The following DMD variants were observed in gnomAD, a reference collection of about 807,000 sequenced individuals.
DMD encodes the protein mutant dystrophin.
A neutral mutation model predicts 330.1 loss-of-function variants in DMD; 63 were observed. That is an observed-to-expected ratio of 0.19 (90% CI 0.16 to 0.24). The LOEUF (loss-of-function observed/expected upper bound fraction) is 0.24, where lower values mean the gene tolerates loss of function less well. Ranked by LOEUF, DMD falls within the 10% of genes least tolerant of loss-of-function variation. The pLI, the probability that DMD is intolerant of heterozygous loss-of-function variation, is 1.00. For missense variants in DMD, 3,344 were observed against 2,684.1 expected (o/e 1.25, Z -5.43); for synonymous variants, 1,223 against 959.8 (o/e 1.27, Z -5.07).
Position 32,518,654 on chromosome X carries a change from G to A in DMD, c.2169-523C>T, listed in dbSNP as rs2046105267. Reference sequence around the variant, plus strand: ...GCATGTCAGAGCTTGACTTTTTAGAGCACACATTCTGAGAAGACAACAATT... The same window carrying A: ...GCATGTCAGAGCTTGACTTTTTAGAACACACATTCTGAGAAGACAACAATT... On this transcript the variant is annotated intron_variant, in intron 17 of 78. Coordinates refer to ENST00000357033, the MANE Select transcript of DMD (RefSeq NM_004006.3). Among the ~76,000 whole-genome samples, 3 of 110,885 alleles carry A rather than the reference G, an allele frequency of 2.7e-5. No individual in the cohort carries two copies. In the South Asian group the frequency reaches 1.1e-3, roughly 42 times the overall value.
In DMD at chrX:31,875,745, C is replaced by T. The variant is rs16989902; in HGVS notation, c.6913-372G>A. 8.7e-3 allele frequency among the ~76,000 whole-genome samples: 976 copies of T among 112,151 alleles called. 8 individuals carry two copies. The highest frequency in any genetic ancestry group is 0.026 in the African/African-American group (814 of 30,932). On this transcript the variant is annotated intron_variant, in intron 47 of 78. Transcript: ENST00000357033. ...TGTGTTGTGTATTATATGCCATACG[C>T]GCTTCCTTTGCAGTTATAAAAATGA...
At chrX:31,306,695 G>A (rs1479840165) in intron 62 of DMD, among the ~76,000 whole-genome samples, 1 of 111,756 alleles carries the variant, frequency 8.9e-6, no homozygotes, top group Non-Finnish European at 1.9e-5. Flanking sequence ...ACAGAAGTTG[G>A]TACAGTCAAG....
intron 33 of DMD, among the ~76,000 whole-genome samples, chrX:32,383,092 A>C (rs150008790): frequency 0.012 from 1,353 of 111,015 alleles, 21 homozygotes; most frequent in African/African-American, 0.041. Context: ...GTATTATTAC[A>C]TCAATGGTGC....
At chrX:33,238,520 G>A (rs1335535302) in intron 1 of DMD, among the ~76,000 whole-genome samples, 8 of 111,130 alleles carry the variant, frequency 7.2e-5, no homozygotes, top group Non-Finnish European at 5.7e-5. Flanking sequence ...GTGTGTGTGT[G>A]TTAATGTGTG....
chrX:32,737,196 G>A (rs1298124820), intron 7 of DMD, among the ~76,000 whole-genome samples: 2 of 109,591 alleles, frequency 1.8e-5, no homozygotes, highest in Non-Finnish European at 3.8e-5. Context: ...CAGCCCAAAT[G>A]GCCACCTGGT....
At chrX:31,210,564 C>G (rs1012480107) in intron 64 of DMD, among the ~76,000 whole-genome samples, 20 of 112,342 alleles carry the variant, frequency 1.8e-4, no homozygotes, top group Admixed American at 1.6e-3. Flanking sequence ...ATTAGCCAAA[C>G]TAGAAACACA....
rs1184722721 is a variant in DMD, at chrX:33,028,130, C to G, written c.32-7930G>C. ...GGGATAAACTGTAAATAAGAAGACA[C>G]ATGAGCTGATTATACCTATAATCCA... On this transcript the variant is annotated intron_variant, in intron 1 of 78. Transcript: ENST00000357033. 9.8e-5 allele frequency among the ~76,000 whole-genome samples: 11 copies of G among 111,896 alleles called. No homozygotes were observed. In the Admixed American group the frequency reaches 1.0e-3, roughly 11 times the overall value.
intron 50 of DMD, among the ~76,000 whole-genome samples, chrX:31,792,021 T>C (rs187114640): frequency 3.7e-4 from 41 of 111,517 alleles, no homozygotes; most frequent in African/African-American, 1.1e-3. Context: ...TGCCTAAGAG[T>C]CTTTGCAAAT....
intron 55 of DMD, among the ~76,000 whole-genome samples, chrX:31,560,090 A>G (rs2075110308): frequency 8.9e-6 from 1 of 111,957 alleles, no homozygotes; most frequent in Admixed American, 9.5e-5. Flanking sequence ...TGCCTGAGAA[A>G]TCACACCCCT....
chrX:32,485,846 C>T (rs138274044), intron 20 of DMD, among the ~76,000 whole-genome samples: 1,151 of 101,620 alleles, frequency 0.011, 7 homozygotes, highest in African/African-American at 0.039. Flanking sequence ...CAGGTTCAAG[C>T]GATTCTTCTG....
chrX:33,094,974 CTT>C (rs1219949654), intron 1 of DMD, among the ~76,000 whole-genome samples: 1 of 111,219 alleles, frequency 9.0e-6, no homozygotes, highest in Non-Finnish European at 1.9e-5. Context: ...TTTTATTACT[CTT>C]TATTACAAAA....
chrX:33,009,162 GTATATATA>G (rs767812488), intron 2 of DMD, among the ~76,000 whole-genome samples: 1 of 2,510 alleles, frequency 4.0e-4, no homozygotes, highest in Non-Finnish European at 7.7e-4. Context: ...ACGTATATAT[GTATATATA>G]TGTGTATATA....
intron 1 of DMD, among the ~76,000 whole-genome samples, chrX:33,032,781 A>G (rs1437317723): frequency 8.9e-6 from 1 of 112,539 alleles, no homozygotes; most frequent in East Asian, 2.8e-4. Context: ...AGCAATGGTC[A>G]GTACTGAGCC....
intron 43 of DMD, among the ~76,000 whole-genome samples, chrX:32,284,347 T>C (rs951589577): frequency 2.1e-4 from 23 of 111,829 alleles, no homozygotes; most frequent in African/African-American, 5.5e-4. Flanking sequence ...CTCCAGTCTA[T>C]CAACCCTTAT....
chrX:31,206,523 G>C (rs1029334852), intron 66 of DMD, 59 bp downstream of exon 66: 4 of 971,153 alleles, frequency 4.1e-6, no homozygotes, highest in Non-Finnish European at 5.8e-6. Flanking sequence ...TTCCCATCTA[G>C]AACTAGGGTA....
chrX:32,971,908 G>A (rs1275825206), intron 2 of DMD, among the ~76,000 whole-genome samples: 1 of 110,886 alleles, frequency 9.0e-6, no homozygotes, highest in African/African-American at 3.3e-5. Context: ...CACTTGATTT[G>A]GCTTACAGGT....
At chrX:31,543,543 A>G (rs1271580147) in intron 55 of DMD, among the ~76,000 whole-genome samples, 1 of 112,130 alleles carries the variant, frequency 8.9e-6, no homozygotes, top group Non-Finnish European at 1.9e-5. Context: ...ACCAACTAAC[A>G]TGAATTCACC....
intron 51 of DMD, among the ~76,000 whole-genome samples, chrX:31,739,377 A>T (rs944474650): frequency 7.1e-5 from 8 of 112,534 alleles, no homozygotes; most frequent in African/African-American, 2.6e-4. Flanking sequence ...AAAATAAAAA[A>T]TATGATAGCT....
chrX:31,643,069 T>C (rs1234320966), intron 54 of DMD, among the ~76,000 whole-genome samples: 1 of 111,726 alleles, frequency 9.0e-6, no homozygotes, highest in Non-Finnish European at 1.9e-5. Context: ...ACAGGAAACG[T>C]GGTCTGAATT....
Sources: gnomAD v4.1 joint callset for allele counts (sites outside exome capture counted in the v4.1 genomes callset) on GRCh38, gnomAD v4.1.1 for gene constraint, MANE v1.5 for transcripts, NCBI Gene and HGNC (gene_info 2026-07-23, HGNC 2026-07-21) for gene names.